Variants in RBFOX2 observed in about 807,000 individuals in gnomAD.
The protein encoded by RBFOX2 is RNA binding fox-1 homolog 2.
In RBFOX2, 10 loss-of-function variants were observed where a neutral mutation model predicts 49.1. The ratio of observed to expected loss-of-function variants is 0.20; its 90% CI spans 0.13 to 0.35. The LOEUF is 0.35. Ranked by LOEUF, RBFOX2 falls within the 10% of genes least tolerant of loss-of-function variation. The pLI, the probability that RBFOX2 is intolerant of heterozygous loss-of-function variation, is 1.00. For missense variants in RBFOX2, 323 were observed against 486.9 expected, an observed-to-expected ratio of 0.66 and a Z score of 3.17; for synonymous variants, 183 against 187.4, an observed-to-expected ratio of 0.98 and a Z score of 0.19.
At chr22:35,902,408 T>C (rs1359252802) in intron 1 of RBFOX2, among the ~76,000 whole-genome samples, 1 of 152,206 alleles carries the variant, frequency 6.6e-6, no homozygotes, top group Non-Finnish European at 1.5e-5. Context: ...CTGCCTTTTC[T>C]AGTGCCTATG....
chr22:36,025,580 GTTCAATGAATAAACATTAAGTATA>G (rs894615964), intron 1 of RBFOX2, among the ~76,000 whole-genome samples: 2 of 152,090 alleles, frequency 1.3e-5, no homozygotes, highest in Non-Finnish European at 2.9e-5. Context: ...ATAAATGTTA[GTTCAATGAATAAACATTAAGTATA>G]TTCATGTAAT....
At chr22:35,937,242 AC>A (rs1441004938) in intron 1 of RBFOX2, among the ~76,000 whole-genome samples, 1 of 152,238 alleles carries the variant, frequency 6.6e-6, no homozygotes, top group East Asian at 1.9e-4. Flanking sequence ...ATATAAAAGT[AC>A]TATCAAAGGC....
intron 1 of RBFOX2, among the ~76,000 whole-genome samples, chr22:35,856,654 A>G (rs1464678976): frequency 6.6e-6 from 1 of 150,608 alleles, no homozygotes; most frequent in Non-Finnish European, 1.5e-5. Context: ...AGAGCAAAAG[A>G]GCTAGGGCTT....
At chr22:35,808,255 C>T (rs1354526498) in intron 2 of RBFOX2, among the ~76,000 whole-genome samples, 5 of 150,676 alleles carry the variant, frequency 3.3e-5, no homozygotes, top group South Asian at 2.1e-4. Flanking sequence ...CTGAAAGTCT[C>T]GTTTGTTACC....
At chr22:35,805,247 G>A (rs545215815) in intron 2 of RBFOX2, among the ~76,000 whole-genome samples, 143 of 135,336 alleles carry the variant, frequency 1.1e-3, no homozygotes, top group African/African-American at 3.6e-3. Context: ...CCGAGATCGC[G>A]CCACTGCACT....
intron 1 of RBFOX2, among the ~76,000 whole-genome samples, chr22:36,001,222 C>T (rs764007575): frequency 0.022 from 2,935 of 135,334 alleles, 38 homozygotes; most frequent in South Asian, 0.044. Context: ...CACACACACA[C>T]ACACACACAC....
chr22:35,747,602 A>T (rs1933232249), intron 9 of RBFOX2: 1 of 152,240 alleles, frequency 6.6e-6, no homozygotes, highest in African/African-American at 2.4e-5. Flanking sequence ...GCCACATGAG[A>T]CAGGATATTT....
At chr22:36,003,600 T>C (rs928996517) in intron 1 of RBFOX2, among the ~76,000 whole-genome samples, 1 of 152,232 alleles carries the variant, frequency 6.6e-6, no homozygotes. Context: ...TTTTGGCTTT[T>C]TGGTAAGAAT....
At chr22:35,915,196 A>C (rs979634428) in intron 1 of RBFOX2, among the ~76,000 whole-genome samples, 4 of 152,176 alleles carry the variant, frequency 2.6e-5, no homozygotes, top group African/African-American at 9.7e-5. Context: ...ACTTTCTGTA[A>C]TTATGTTAGC....
intron 1 of RBFOX2, among the ~76,000 whole-genome samples, chr22:35,850,783 T>C (rs888717590): frequency 6.6e-6 from 1 of 152,014 alleles, no homozygotes; most frequent in African/African-American, 2.4e-5. Flanking sequence ...CCATCAAAAA[T>C]CAGAAAACTG....
intron 1 of RBFOX2, among the ~76,000 whole-genome samples, chr22:35,974,171 CAGT>C (rs1004283064): frequency 7.2e-5 from 11 of 152,216 alleles, no homozygotes; most frequent in Non-Finnish European, 2.9e-5. Context: ...TGGCAAACAG[CAGT>C]AGAAGGAGCC....
At chr22:36,013,717 G>C (rs1233404341) in intron 1 of RBFOX2, among the ~76,000 whole-genome samples, 1 of 151,872 alleles carries the variant, frequency 6.6e-6, no homozygotes, top group Non-Finnish European at 1.5e-5. Context: ...TGAAAAAGTA[G>C]CCTCTGATAT....
chr22:35,983,417 G>GTAA (rs915994187), intron 1 of RBFOX2, among the ~76,000 whole-genome samples: 2 of 152,102 alleles, frequency 1.3e-5, no homozygotes, highest in African/African-American at 4.8e-5. Context: ...GATTGTCTCA[G>GTAA]TTTAGACCCC....
exon 1 of RBFOX2, chr22:35,840,303 C>T (rs539691390): frequency 3.3e-5 from 54 of 1,613,156 alleles, no homozygotes; most frequent in Admixed American, 1.7e-4. Context: ...CCCCTCCCCC[C>T]CCAATCTAGC....
intron 1 of RBFOX2, among the ~76,000 whole-genome samples, chr22:35,863,564 G>A (rs2043336516): frequency 6.6e-6 from 1 of 152,204 alleles, no homozygotes; most frequent in South Asian, 2.1e-4. Flanking sequence ...TCTGACAGCT[G>A]CACCTGACTC....
At chr22:35,968,932 C>G (rs540197715) in intron 1 of RBFOX2, among the ~76,000 whole-genome samples, 53 of 152,330 alleles carry the variant, frequency 3.5e-4, no homozygotes, top group African/African-American at 1.2e-3. Flanking sequence ...CTGTCTCCAC[C>G]GGCAATCTAT....
At chr22:35,846,818 T>TCCTA (rs1453429288) in intron 1 of RBFOX2, among the ~76,000 whole-genome samples, 1 of 152,102 alleles carries the variant, frequency 6.6e-6, no homozygotes, top group Non-Finnish European at 1.5e-5. Flanking sequence ...ATGCCTAATA[T>TCCTA]CCTTAAGCTG....
chr22:35,791,245 C>T (rs1348115274), intron 2 of RBFOX2, among the ~76,000 whole-genome samples: 2 of 151,284 alleles, frequency 1.3e-5, no homozygotes, highest in African/African-American at 2.4e-5. Context: ...ATTAGCCAGG[C>T]GTGGTGGCGG....
At chr22:35,982,899 A>G (rs1173670383) in intron 1 of RBFOX2, among the ~76,000 whole-genome samples, 1 of 152,028 alleles carries the variant, frequency 6.6e-6, no homozygotes, top group Non-Finnish European at 1.5e-5. Context: ...CCTACCATTG[A>G]GCTCCAGCTC....
Sources: gnomAD v4.1 joint callset for allele counts (sites outside exome capture counted in the v4.1 genomes callset) on GRCh38, gnomAD v4.1.1 for gene constraint, MANE v1.5 for transcripts, NCBI Gene and HGNC (gene_info 2026-07-23, HGNC 2026-07-21) for gene names.